Variants in DMXL1 observed in about 807,000 individuals in gnomAD.
The protein encoded by DMXL1 is Dmx like 1.
DMXL1 carries 99 observed loss-of-function variants against 319.2 expected under a neutral mutation model. That is an observed-to-expected ratio of 0.31 (90% CI 0.26 to 0.37). The LOEUF (loss-of-function observed/expected upper bound fraction) is 0.37. Among genes scored for constraint, DMXL1 ranks in the 10% least tolerant of loss-of-function variants. The pLI is 1.00. For missense variants in DMXL1, 3,745 were observed against 3,595.6 expected (o/e 1.04, Z -1.06); for synonymous variants, 1,385 against 1,235.2 (o/e 1.12, Z -2.54).
intron 1 of DMXL1, among the ~76,000 whole-genome samples, chr5:119,095,500 C>T (rs1370116876): frequency 1.3e-5 from 2 of 152,064 alleles, no homozygotes; most frequent in East Asian, 3.9e-4. Flanking sequence ...AAAATACTTG[C>T]AACGTAATAT....
At position 119,164,655 on chromosome 5, in the gene DMXL1, C is replaced by T. The variant is rs765847821; in HGVS notation, c.4851C>T (p.Ile1617=). 6 of 1,601,258 alleles carry T rather than the reference C, an allele frequency of 3.7e-6. No homozygotes were observed. The East Asian group carries it at 1.3e-4, about 36-fold the overall frequency. The change falls in exon 20 of 44, where the codon ATC becomes ATT. Residue 1617 remains isoleucine, a synonymous_variant. Transcript: ENST00000539542. ...GGTGGTGGGTCCGGAATACCCGCAT[C>T]TTACGCAAATGCATAGAAAAAGTAA... The part of the protein sequence containing the change: ...GVGWWVRNTR[I]LRKCIEKVAK...
chr5:119,217,598 T>G (rs1783907847), intron 35 of DMXL1, among the ~76,000 whole-genome samples: 2 of 152,204 alleles, frequency 1.3e-5, no homozygotes, highest in South Asian at 2.1e-4. Flanking sequence ...TTCTTTTGTT[T>G]TCCTTCCATT....
chr5:119,116,207 C>T lies in DMXL1; in HGVS notation c.614C>T (p.Ala205Val). The T allele has an allele frequency of 6.2e-7, 1 of 1,613,822 alleles. No homozygotes were observed. The highest frequency in any genetic ancestry group is 8.5e-7 in the Non-Finnish European group (1 of 1,179,920). ...VWYNVENWRT[A>V]VTSPDGSSEK... ...TATAATGTAGAAAACTGGCGGACAG[C>T]TGTTACTTCTCCAGATGGAAGTTCA... is the stretch of plus-strand genomic sequence containing the variant. The change falls in exon 7 of 44, where the codon GCT becomes GTT. Residue 205 changes from alanine to valine, a missense_variant. Ala to Val is a moderately conservative substitution (Grantham distance 64). Coordinates refer to ENST00000539542, the MANE Select transcript of DMXL1 (RefSeq NM_001290321.3).
At position 119,204,376 on chromosome 5, in the gene DMXL1, C is replaced by T. The variant is rs577145116; in HGVS notation, c.7863+940C>T. Among the ~76,000 whole-genome samples the T allele has an allele frequency of 7.9e-5, 12 of 152,098 alleles. No individual in the cohort carries two copies. In the South Asian group the frequency reaches 2.1e-3, roughly 26 times the overall value. The stretch of plus-strand genomic sequence containing the variant: ...GTGGTCTTGAATTCCTGAGCCCAGG[C>T]GATCTACCTGCCTTGGCCTCCCAAA... On this transcript the variant is annotated intron_variant, in intron 33 of 43. Coordinates refer to ENST00000539542, the MANE Select transcript of DMXL1 (RefSeq NM_001290321.3).
intron 40 of DMXL1, among the ~76,000 whole-genome samples, chr5:119,238,679 G>A (rs1453818725): frequency 6.6e-6 from 1 of 152,048 alleles, no homozygotes; most frequent in African/African-American, 2.4e-5. Context: ...ATTCATAACG[G>A]GTCATGATAT....
chr5:119,184,757 C>T lies in DMXL1; in HGVS notation c.7136-4951C>T, dbSNP rs189194063. Among the ~76,000 whole-genome samples, 274 of 152,238 alleles carry T rather than the reference C, an allele frequency of 1.8e-3. 2 individuals are homozygous for T. The highest frequency in any genetic ancestry group is 6.3e-3 in the African/African-American group (262 of 41,536). Reference sequence around the variant, plus strand: ...TAGTGTTTTGTCTTTTTGTGACTGGCTTATTTCACCTAGTGTAATGTTCTT... The same window carrying T: ...TAGTGTTTTGTCTTTTTGTGACTGGTTTATTTCACCTAGTGTAATGTTCTT... On this transcript the variant is annotated intron_variant, in intron 28 of 43. Transcript: ENST00000539542.
intron 1 of DMXL1, among the ~76,000 whole-genome samples, chr5:119,087,681 C>T (rs534048201): frequency 1.3e-5 from 2 of 152,082 alleles, no homozygotes; most frequent in Admixed American, 6.5e-5. Context: ...TCTAGTGTAT[C>T]GTTTAACTGA....
At chr5:119,207,870 A>G (rs1169907239) in intron 34 of DMXL1, among the ~76,000 whole-genome samples, 3 of 152,128 alleles carry the variant, frequency 2.0e-5, no homozygotes, top group African/African-American at 7.2e-5. Context: ...TGTTTTTCAT[A>G]TTCTATATTT....
chr5:119,174,861 C>T lies in DMXL1; in HGVS notation c.6682-400C>T, dbSNP rs192377246. 2.6e-3 allele frequency among the ~76,000 whole-genome samples: 403 copies of T among 152,308 alleles called. 3 individuals are homozygous for T. The highest frequency in any genetic ancestry group is 9.5e-3 in the African/African-American group (394 of 41,562). ...CTAGAATATGTGGTAGCATATTCTT[C>T]AGTGACCTGTCCGTTGGTGAACTGT... is the stretch of plus-strand genomic sequence containing the variant. On this transcript the variant is annotated intron_variant, in intron 25 of 43. Coordinates refer to ENST00000539542, the MANE Select transcript of DMXL1 (RefSeq NM_001290321.3).
At chr5:119,221,948 G>A (rs1010992875) in intron 37 of DMXL1, among the ~76,000 whole-genome samples, 2 of 151,748 alleles carry the variant, frequency 1.3e-5, no homozygotes, top group Non-Finnish European at 2.9e-5. Flanking sequence ...TTATTATTAC[G>A]TAGGTTATAG....
rs115471885 is a variant in DMXL1 at position 119,098,283 on chromosome 5, A to G, written c.213+179A>G. On this transcript the variant is annotated intron_variant, in intron 2 of 43. Transcript: ENST00000539542. ...ATAGAGTGCCAGAAATTCTCTTCTT[A>G]TATAATTTTAAATTATAGCATCATC... Among the ~76,000 whole-genome samples, 222 of 152,304 alleles carry G rather than the reference A, an allele frequency of 1.5e-3. 3 individuals carry two copies. Among genetic ancestry groups the G allele is most frequent in the Non-Finnish European group, 1.4e-3 (96 of 68,010 alleles).
At chr5:119,181,482 G>A (rs1776758892) in intron 28 of DMXL1, among the ~76,000 whole-genome samples, 1 of 152,184 alleles carries the variant, frequency 6.6e-6, no homozygotes, top group Non-Finnish European at 1.5e-5. Context: ...TTCACTGAAT[G>A]ATGAAAACTA....
chr5:119,225,038 C>A (rs1164419220), intron 38 of DMXL1, among the ~76,000 whole-genome samples: 2 of 151,956 alleles, frequency 1.3e-5, no homozygotes, highest in African/African-American at 4.8e-5. Context: ...ACTACCAATA[C>A]ACAAAATTTG....
chr5:119,078,992 A>G (rs1425072769), intron 1 of DMXL1, among the ~76,000 whole-genome samples: 1 of 152,116 alleles, frequency 6.6e-6, no homozygotes. Flanking sequence ...AATTCCACAC[A>G]CTTGATCAGT....
rs75789299 is a variant in DMXL1, at chr5:119,159,595, T to C, written c.4703-4912T>C. 8.3e-3 allele frequency among the ~76,000 whole-genome samples: 1,270 copies of C among 152,356 alleles called. 25 individuals carry two copies. Among genetic ancestry groups the C allele is most frequent in the African/African-American group, 0.029 (1,210 of 41,586 alleles). On this transcript the variant is annotated intron_variant, in intron 19 of 43. Transcript: ENST00000539542. ...TTTGTGGTATCAGTTGTAGTGTCTC[T>C]TCGTTAACTTCTAATTTTATTTTTA...
chr5:119,093,523 C>G (rs534211794), intron 1 of DMXL1, among the ~76,000 whole-genome samples: 1 of 152,186 alleles, frequency 6.6e-6, no homozygotes, highest in African/African-American at 2.4e-5. Context: ...GAACTGCGCT[C>G]AGACCTCCCT....
chr5:119,082,020 T>TATAC (rs1200957102), intron 1 of DMXL1, among the ~76,000 whole-genome samples: 5,566 of 107,860 alleles, frequency 0.052, 181 homozygotes, highest in Middle Eastern at 0.078. Flanking sequence ...TATATATATA[T>TATAC]ACACACACAC....
chr5:119,223,711 A>G (rs1371964757), intron 37 of DMXL1, among the ~76,000 whole-genome samples: 2 of 152,154 alleles, frequency 1.3e-5, no homozygotes, highest in Non-Finnish European at 2.9e-5. Flanking sequence ...CATATTTTAC[A>G]TATGCTTTCA....
At chr5:119,231,107 T>G (rs775169019) in intron 38 of DMXL1, among the ~76,000 whole-genome samples, 4 of 152,208 alleles carry the variant, frequency 2.6e-5, no homozygotes, top group Non-Finnish European at 5.9e-5. Flanking sequence ...TCCCACTGTT[T>G]GTGAAGCATT....
Sources: gnomAD v4.1 joint callset for allele counts (sites outside exome capture counted in the v4.1 genomes callset) on GRCh38, gnomAD v4.1.1 for gene constraint, MANE v1.5 for transcripts, NCBI Gene and HGNC (gene_info 2026-07-23, HGNC 2026-07-21) for gene names.